EXOC4: variants seen among roughly 807,000 people sequenced by gnomAD.
The protein encoded by EXOC4 is exocyst complex component 4.
EXOC4 carries 71 observed loss-of-function variants against 107.2 expected under a neutral mutation model. That is an observed-to-expected ratio of 0.66 (90% CI 0.55 to 0.81). EXOC4 has a LOEUF of 0.81. Among genes scored for constraint, EXOC4 ranks in the 30% least tolerant of loss-of-function variants. The pLI is 0.00. For missense variants in EXOC4, 1,108 were observed against 1,189.6 expected (o/e 0.93, Z 1.01); for synonymous variants, 456 against 441.2 (o/e 1.03, Z -0.42).
At chr7:133,327,821 G>A (rs753462951) in intron 5 of EXOC4, among the ~76,000 whole-genome samples, 6 of 152,080 alleles carry the variant, frequency 3.9e-5, no homozygotes, top group Non-Finnish European at 7.4e-5. Context: ...TATGATTTCC[G>A]TTCTTTTGCA....
At chr7:133,415,863 A>C (rs948545014) in intron 7 of EXOC4, among the ~76,000 whole-genome samples, 2 of 152,186 alleles carry the variant, frequency 1.3e-5, no homozygotes, top group African/African-American at 4.8e-5. Flanking sequence ...AACAATTAAA[A>C]CATAATACAA....
intron 10 of EXOC4, among the ~76,000 whole-genome samples, chr7:133,787,188 T>C (rs1164735287): frequency 8.1e-6 from 1 of 122,994 alleles, no homozygotes; most frequent in Non-Finnish European, 1.7e-5. Flanking sequence ...TTTTTTTGAG[T>C]CAGTGTCTTG....
chr7:133,480,739 C>T (rs561192770), intron 9 of EXOC4: 11 of 151,912 alleles, frequency 7.2e-5, no homozygotes, highest in African/African-American at 2.2e-4. Flanking sequence ...AGATGCTGAT[C>T]ATGTAAATGT....
intron 16 of EXOC4, among the ~76,000 whole-genome samples, chr7:134,007,166 A>G (rs937424544): frequency 2.0e-5 from 3 of 152,194 alleles, no homozygotes; most frequent in African/African-American, 7.2e-5. Context: ...CAATGTTGAA[A>G]TATATTAACA....
intron 9 of EXOC4, among the ~76,000 whole-genome samples, chr7:133,541,219 C>T (rs1036484717): frequency 6.6e-6 from 1 of 152,118 alleles, no homozygotes; most frequent in African/African-American, 2.4e-5. Flanking sequence ...CAGGAAGTAT[C>T]AGCTAGAAGT....
intron 2 of EXOC4, among the ~76,000 whole-genome samples, chr7:133,277,881 G>T (rs1371000445): frequency 6.6e-6 from 1 of 152,046 alleles, no homozygotes; most frequent in African/African-American, 2.4e-5. Context: ...GTCATTTTTG[G>T]CTTTTAATTA....
chr7:133,453,350 C>T (rs572823452), intron 7 of EXOC4, among the ~76,000 whole-genome samples: 5 of 152,216 alleles, frequency 3.3e-5, no homozygotes, highest in African/African-American at 1.2e-4. Context: ...TACTTACTTT[C>T]TGTTGGAGAT....
At chr7:133,851,207 A>G (rs1036516499) in intron 11 of EXOC4, among the ~76,000 whole-genome samples, 1 of 152,214 alleles carries the variant, frequency 6.6e-6, no homozygotes, top group Non-Finnish European at 1.5e-5. Flanking sequence ...TATTTCATGG[A>G]GCTTCTAGTC....
chr7:133,856,191 C>T (rs528925710), intron 11 of EXOC4, among the ~76,000 whole-genome samples: 26 of 152,350 alleles, frequency 1.7e-4, no homozygotes, highest in Non-Finnish European at 3.2e-4. Context: ...CTAACTTCCT[C>T]GAGCCTTAGC....
At chr7:133,539,639 G>A (rs1314398304) in intron 9 of EXOC4, among the ~76,000 whole-genome samples, 1 of 152,072 alleles carries the variant, frequency 6.6e-6, no homozygotes, top group African/African-American at 2.4e-5. Flanking sequence ...TAAAATCAAT[G>A]TAGTAGCTTG....
At chr7:133,272,551 T>C (rs1320293429) in intron 1 of EXOC4, among the ~76,000 whole-genome samples, 2 of 152,146 alleles carry the variant, frequency 1.3e-5, no homozygotes, top group East Asian at 3.8e-4. Context: ...GGGGCTATTA[T>C]TATTTTTATT....
chr7:133,259,683 A>G (rs895560443), intron 1 of EXOC4, among the ~76,000 whole-genome samples: 9 of 152,330 alleles, frequency 5.9e-5, no homozygotes, highest in African/African-American at 1.7e-4. Context: ...AGTAAGAAAA[A>G]TTATTTCAGA....
At chr7:133,916,777 CATAA>C (rs1799818127) in intron 12 of EXOC4, among the ~76,000 whole-genome samples, 1 of 152,198 alleles carries the variant, frequency 6.6e-6, no homozygotes, top group African/African-American at 2.4e-5. Context: ...GCACTCCTTT[CATAA>C]ATAAATGTCA....
intron 7 of EXOC4, among the ~76,000 whole-genome samples, chr7:133,398,136 T>A (rs1325240079): frequency 6.6e-6 from 1 of 152,238 alleles, no homozygotes; most frequent in South Asian, 2.1e-4. Flanking sequence ...GGAAAAAAAA[T>A]ATGCAGAGAC....
At chr7:134,095,996 G>T in the EXOC4 span, among the ~76,000 whole-genome samples, 2 of 152,088 alleles carry the variant, frequency 1.3e-5, no homozygotes, top group African/African-American at 4.8e-5. Flanking sequence ...CATAGCAAAA[G>T]AAACTATCAA....
chr7:133,803,624 A>T (rs1232169288), intron 10 of EXOC4, among the ~76,000 whole-genome samples: 1 of 152,156 alleles, frequency 6.6e-6, no homozygotes, highest in Non-Finnish European at 1.5e-5. Context: ...TATCATTTTA[A>T]TGTCTATACA....
At chr7:133,477,997 A>G (rs1353717379) in intron 8 of EXOC4, among the ~76,000 whole-genome samples, 1 of 152,176 alleles carries the variant, frequency 6.6e-6, no homozygotes, top group Non-Finnish European at 1.5e-5. Flanking sequence ...CTGAGTAAAG[A>G]GCAAGGAAGC....
chr7:133,641,225 C>A (rs1413275322), intron 10 of EXOC4, among the ~76,000 whole-genome samples: 1 of 152,062 alleles, frequency 6.6e-6, no homozygotes, highest in Non-Finnish European at 1.5e-5. Flanking sequence ...TAAATCACAT[C>A]CTTCTGGTCC....
chr7:133,285,911 C>G (rs1173209955), intron 2 of EXOC4, among the ~76,000 whole-genome samples: 1 of 151,980 alleles, frequency 6.6e-6, no homozygotes, highest in Non-Finnish European at 1.5e-5. Context: ...AGGCATGTGC[C>G]ACTATACCCG....
Sources: allele counts gnomAD v4.1 joint callset (sites outside exome capture counted in the v4.1 genomes callset), GRCh38; gene constraint gnomAD v4.1.1; transcripts MANE v1.5; gene names NCBI Gene and HGNC (gene_info 2026-07-23, HGNC 2026-07-21).